The following CORO7 variants were observed in gnomAD, a reference collection of about 807,000 sequenced individuals.
The protein encoded by CORO7 is coronin 7.
CORO7 carries 107 observed loss-of-function variants against 126.6 expected under a neutral mutation model. The ratio of observed to expected loss-of-function variants is 0.85; its 90% CI spans 0.72 to 0.99. CORO7 has a LOEUF of 0.99. Among genes scored for constraint, CORO7 ranks in the 50% least tolerant of loss-of-function variants. The probability of loss-of-function intolerance (pLI) is 0.00; values close to 1 mark genes in which losing one functional copy is unlikely to be tolerated. For missense variants in CORO7, 1,314 were observed against 1,255.8 expected (o/e 1.05, Z -0.70); for synonymous variants, 603 against 536.8 (o/e 1.12, Z -1.70).
rs149148869 is a variant in CORO7, at chr16:4,386,284, C to T, written c.785+1702G>A. 1.1e-4 allele frequency among the ~76,000 whole-genome samples: 16 copies of T among 152,316 alleles called. No individual in the cohort carries two copies. The East Asian group carries it at 1.7e-3, about 17-fold the overall frequency. ...CAGGGTCAGCCTTGGCCAGTGGCAC[C>T]GTGAGGTCTGGGCATCATTAACTCC... On this transcript the variant is annotated intron_variant, in intron 9 of 27. Coordinates refer to ENST00000251166, the MANE Select transcript of CORO7 (RefSeq NM_024535.5).
intron 19 of CORO7, 150 bp from the exon 20 acceptor site, chr16:4,360,698 C>T: frequency 7.7e-7 from 1 of 1,292,818 alleles, no homozygotes; most frequent in Non-Finnish European, 1.1e-6. Flanking sequence ...CTCCTCACTG[C>T]TGGCCCCCCT....
intron 6 of CORO7, among the ~76,000 whole-genome samples, chr16:4,400,491 G>C (rs573607902): frequency 2.6e-5 from 4 of 152,260 alleles, no homozygotes; most frequent in Admixed American, 2.0e-4. Flanking sequence ...AAATTAGCTG[G>C]GTGTGGTGGC....
intron 16 of CORO7, 198 bp from the exon 17 acceptor site, chr16:4,361,667 G>A (rs1289357005): frequency 1.2e-6 from 1 of 808,340 alleles, no homozygotes; most frequent in South Asian, 1.5e-5. Context: ...AGAGAGTGAG[G>A]GGGCAGCAGC....
intron 13 of CORO7, 56 bp downstream of exon 13, chr16:4,364,541 A>G: frequency 6.6e-7 from 1 of 1,522,936 alleles, no homozygotes; most frequent in Non-Finnish European, 8.8e-7. Context: ...ACACAGCCAC[A>G]CGGGGCTACC....
chr16:4,358,071 GTCTGGGAACACGTC>G lies in CORO7; in HGVS notation c.2476_2489del (p.Asp826HisfsTer19). The G allele has an allele frequency of 6.2e-7, 1 of 1,612,838 alleles. No individual in the cohort carries two copies. The highest frequency in any genetic ancestry group is 8.5e-7 in the Non-Finnish European group (1 of 1,179,220). ...GCACAGGCTCCCAGATCACAGCCGT[GTCTGGGAACACGTC>G]ATCCTGGAAGAACTCTTTCTGCAGA... On this transcript the variant is annotated frameshift_variant, in exon 25 of 28. Coordinates refer to ENST00000251166, the MANE Select transcript of CORO7 (RefSeq NM_024535.5). LOFTEE classifies it high-confidence loss of function.
intron 26 of CORO7, chr16:4,355,704 C>T (rs1596263048): frequency 2.0e-5 from 5 of 252,452 alleles, no homozygotes; most frequent in South Asian, 1.3e-4. Flanking sequence ...CTCCTGACCT[C>T]GTGATCCGCC....
intron 6 of CORO7, among the ~76,000 whole-genome samples, chr16:4,399,934 A>G (rs1029048204): frequency 3.3e-5 from 5 of 152,244 alleles, no homozygotes; most frequent in African/African-American, 1.2e-4. Context: ...TTGCTAAGTT[A>G]AAGAAGCCAA....
At chr16:4,392,217 AG>A (rs2055417513) in intron 7 of CORO7, among the ~76,000 whole-genome samples, 2 of 152,272 alleles carry the variant, frequency 1.3e-5, no homozygotes, top group South Asian at 4.1e-4. Context: ...CCTGGGCTCC[AG>A]GGCCTCACCC....
At chr16:4,390,295 CT>C (rs375838180) in intron 7 of CORO7, among the ~76,000 whole-genome samples, 69 of 147,570 alleles carry the variant, frequency 4.7e-4, no homozygotes, top group Admixed American at 1.2e-3. Context: ...ACAGAATTTA[CT>C]TTTTTTTTTT....
At chr16:4,378,449 A>G (rs546399516) in intron 9 of CORO7, among the ~76,000 whole-genome samples, 8 of 152,150 alleles carry the variant, frequency 5.3e-5, no homozygotes, top group South Asian at 4.1e-4. Flanking sequence ...ATTCAGGCAG[A>G]GGTGGCCTCA....
chr16:4,381,605 G>C, intron 9 of CORO7: 1 of 1,598,560 alleles, frequency 6.3e-7, no homozygotes, highest in African/African-American at 1.3e-5. Context: ...GGCCTGACGC[G>C]CCTGCGGCTG....
chr16:4,379,880 T>TAAAAAAAAA (rs34020450), intron 9 of CORO7, among the ~76,000 whole-genome samples: 1 of 109,198 alleles, frequency 9.2e-6, no homozygotes, highest in Non-Finnish European at 1.8e-5. Context: ...CTGTCTCTAC[T>TAAAAAAAAA]AAAAAAAAAA....
chr16:4,356,430 T>G (rs1406693397), intron 26 of CORO7: 2 of 151,756 alleles, frequency 1.3e-5, no homozygotes, highest in African/African-American at 4.8e-5. Context: ...ATTTTTATTT[T>G]TATTTATTTA....
Position 4,362,209 on chromosome 16 carries a change from C to T in CORO7, c.1403-49G>A. ...ACCACGTGTGAGGATGCCGTCCCCG[C>T]CCGCCCTGCACTCTTTGAGTCCCGG... On this transcript the variant is annotated intron_variant, in intron 15 of 27. Coordinates refer to ENST00000251166, the MANE Select transcript of CORO7 (RefSeq NM_024535.5). The surrounding 1 kb of genome is among the most constrained non-coding windows in gnomAD (Gnocchi z 5.3). The T allele has an allele frequency of 6.4e-7, 1 of 1,570,458 alleles. No individual in the cohort carries two copies.
Position 4,354,985 on chromosome 16 carries a change from A to T in CORO7, c.*173T>A. 1.6e-6 allele frequency: 1 copy of T among 618,228 alleles called. No homozygotes were observed. Among genetic ancestry groups the T allele is most frequent in the Non-Finnish European group, 2.6e-6 (1 of 386,808 alleles). 38.3% of individuals were successfully genotyped at this position (618,228 alleles called of 1,614,324 possible). ...CCCCAGAGACAGCAGAGGTGAAAAC[A>T]GTCCCTGGGAACTGCCAGAGGCCCA... is the stretch of plus-strand genomic sequence containing the variant. On this transcript the variant is annotated 3_prime_UTR_variant, in exon 28 of 28. Transcript: ENST00000251166.
At chr16:4,386,673 A>AC (rs2141261298) in intron 9 of CORO7, among the ~76,000 whole-genome samples, 1 of 152,154 alleles carries the variant, frequency 6.6e-6, no homozygotes, top group South Asian at 2.1e-4. Context: ...TCTGCCTCTT[A>AC]CCCTCCATAT....
At chr16:4,372,367 C>G (rs2054566491) in intron 9 of CORO7, among the ~76,000 whole-genome samples, 1 of 152,250 alleles carries the variant, frequency 6.6e-6, no homozygotes, top group South Asian at 2.1e-4. Context: ...GCTTGGGTCA[C>G]TTTTCCCTCC....
chr16:4,390,408 G>A lies in CORO7; in HGVS notation c.616-1777C>T, dbSNP rs552137792. 2.6e-5 allele frequency among the ~76,000 whole-genome samples: 4 copies of A among 152,358 alleles called. No individual in the cohort carries two copies. In the South Asian group the frequency reaches 8.3e-4, roughly 32 times the overall value. On this transcript the variant is annotated intron_variant, in intron 7 of 27. Transcript: ENST00000251166. ...CAGGATTGTGTCTGACACGTGTCAA[G>A]TGTGCATGTCTCACAGCTGATAGCA...
At position 4,357,929 on chromosome 16, in the gene CORO7, C is replaced by T. The variant is rs774891907; in HGVS notation, c.2593+39G>A. 71 of 1,574,614 alleles carry T rather than the reference C, an allele frequency of 4.5e-5. No individual in the cohort carries two copies. In the South Asian group the frequency reaches 8.0e-4, roughly 18 times the overall value. On this transcript the variant is annotated intron_variant, in intron 25 of 27. Transcript: ENST00000251166. ...GGCCTTCTGTCCCTTTCTCCAACCC[C>T]CATCCCGCTTCCTCCCCACACCCAG...
Sources: gnomAD v4.1 joint callset for allele counts (sites outside exome capture counted in the v4.1 genomes callset) on GRCh38, gnomAD v4.1.1 for gene constraint, Gnocchi (gnomAD v3.1) non-coding constraint, MANE v1.5 for transcripts, NCBI Gene and HGNC (gene_info 2026-07-23, HGNC 2026-07-21) for gene names.